TMEM232: variants seen among roughly 807,000 people sequenced by gnomAD.
The protein encoded by TMEM232 is transmembrane protein 232.
Under a neutral mutation model 78.8 loss-of-function variants are expected in TMEM232, and 80 were observed. That is an observed-to-expected ratio of 1.01 (90% CI 0.85 to 1.22). TMEM232 has a LOEUF of 1.22. Among genes scored for constraint, TMEM232 ranks in the 50% most tolerant of loss-of-function variants. The pLI is 0.00. For missense variants in TMEM232, 881 were observed against 742.2 expected (o/e 1.19, Z -2.17); for synonymous variants, 297 against 254.3 (o/e 1.17, Z -1.60).
chr5:110,679,214 G>A (rs1792407561), intron 1 of TMEM232, among the ~76,000 whole-genome samples: 1 of 152,170 alleles, frequency 6.6e-6, no homozygotes, highest in East Asian at 1.9e-4. Flanking sequence ...TCTGACTTTT[G>A]GCCATTCTAA....
chr5:110,419,338 C>T (rs971075936), downstream of TMEM232, among the ~76,000 whole-genome samples: 2 of 151,954 alleles, frequency 1.3e-5, no homozygotes, highest in African/African-American at 4.8e-5. Context: ...TACAGGAAAT[C>T]AAAACAGCAA....
chr5:110,642,856 T>C (rs1162793937), intron 2 of TMEM232, among the ~76,000 whole-genome samples: 1 of 152,070 alleles, frequency 6.6e-6, no homozygotes, highest in Non-Finnish European at 1.5e-5. Flanking sequence ...CAAGTAGCCA[T>C]ATTAACTACA....
At chr5:110,454,222 A>G (rs1347309505) in intron 12 of TMEM232, among the ~76,000 whole-genome samples, 1 of 152,212 alleles carries the variant, frequency 6.6e-6, no homozygotes, top group East Asian at 1.9e-4. Context: ...AGTACACATA[A>G]AATATCCACC....
chr5:110,519,139 T>C (rs80241767), intron 12 of TMEM232, among the ~76,000 whole-genome samples: 2,009 of 152,126 alleles, frequency 0.013, 40 homozygotes, highest in African/African-American at 0.045. Flanking sequence ...ATAAATAATA[T>C]TCAAAGAAAA....
chr5:110,719,277 A>G (rs941469298), intron 1 of TMEM232, among the ~76,000 whole-genome samples: 2 of 152,078 alleles, frequency 1.3e-5, no homozygotes, highest in African/African-American at 4.8e-5. Flanking sequence ...CTGTATATAT[A>G]TATACACACA....
At chr5:110,531,647 C>G (rs1029126164) in intron 11 of TMEM232, among the ~76,000 whole-genome samples, 3 of 152,172 alleles carry the variant, frequency 2.0e-5, no homozygotes, top group African/African-American at 7.2e-5. Context: ...TTAGCCCTCC[C>G]CCACCTGCCC....
chr5:110,620,583 C>G (rs866783145), intron 7 of TMEM232, among the ~76,000 whole-genome samples: 6 of 5,930 alleles, frequency 1.0e-3, no homozygotes, highest in South Asian at 4.2e-3. Flanking sequence ...TCATATCTCT[C>G]TCTCTCTCTC....
intron 11 of TMEM232, among the ~76,000 whole-genome samples, chr5:110,557,173 T>C (rs1775193856): frequency 2.0e-5 from 3 of 152,196 alleles, no homozygotes; most frequent in Admixed American, 6.5e-5. Flanking sequence ...GCTGTTAATA[T>C]TTCTGATTAT....
intron 8 of TMEM232, among the ~76,000 whole-genome samples, chr5:110,616,721 A>T (rs1782966113): frequency 6.6e-6 from 1 of 152,154 alleles, no homozygotes; most frequent in South Asian, 2.1e-4. Flanking sequence ...ATCACTAATC[A>T]TAAGGGAAAG....
chr5:110,400,564 C>G (rs1341071400), intron 2 of TMEM232, among the ~76,000 whole-genome samples: 1 of 151,886 alleles, frequency 6.6e-6, no homozygotes, highest in African/African-American at 2.4e-5. Flanking sequence ...TATTACACTG[C>G]TTCAGTGTCT....
chr5:110,484,284 C>T (rs543451471), intron 12 of TMEM232, among the ~76,000 whole-genome samples: 3 of 151,964 alleles, frequency 2.0e-5, no homozygotes, highest in South Asian at 2.1e-4. Flanking sequence ...AACCTGCACA[C>T]GTAGCCCCTG....
At chr5:110,625,245 C>A in intron 7 of TMEM232, 22 bp downstream of exon 7, 1 of 1,491,012 alleles carries the variant, frequency 6.7e-7, no homozygotes, top group Non-Finnish European at 9.0e-7. Context: ...ACAGGATATA[C>A]CCACCATACC....
At chr5:110,518,283 C>G (rs1768990815) in intron 12 of TMEM232, among the ~76,000 whole-genome samples, 1 of 151,346 alleles carries the variant, frequency 6.6e-6, no homozygotes, top group African/African-American at 2.4e-5. Context: ...TTCTATTTTT[C>G]CAGTTTATTT....
At chr5:110,532,497 C>T (rs1185916788) in intron 11 of TMEM232, among the ~76,000 whole-genome samples, 1 of 151,932 alleles carries the variant, frequency 6.6e-6, no homozygotes, top group East Asian at 1.9e-4. Flanking sequence ...GTACTGATGG[C>T]CAGGCTTCCA....
rs564511663 is a variant in TMEM232, at chr5:110,411,983, T to G, written n.308+12840A>C. Among the ~76,000 whole-genome samples, 17 of 152,242 alleles carry G rather than the reference T, an allele frequency of 1.1e-4. No individual in the cohort carries two copies. In the East Asian group the frequency reaches 3.1e-3, roughly 28 times the overall value. On this transcript the variant is annotated intron_variant and non_coding_transcript_variant, in intron 2 of 8. Transcript: ENST00000507188. ...GAGGGAAAGAATAAAATGCACAATA[T>G]ATATTAGTTTCATATTTTCAAAATA...
chr5:110,573,755 TGAA>T lies in TMEM232; in HGVS notation c.1277-5133_1277-5131del, dbSNP rs549765164. 3.0e-4 allele frequency among the ~76,000 whole-genome samples: 46 copies of T among 152,172 alleles called. 1 individual carries two copies. Among genetic ancestry groups the T allele is most frequent in the African/African-American group, 1.1e-3 (46 of 41,568 alleles). On this transcript the variant is annotated intron_variant, in intron 10 of 13. Transcript: ENST00000455884. ...GATATTCAAGCTAAGATCTAGCTGA[TGAA>T]GAAGAGTTAATCATTGAAGGAACAA...
At chr5:110,475,445 A>ATTT (rs61667699) in intron 12 of TMEM232, among the ~76,000 whole-genome samples, 7,977 of 109,996 alleles carry the variant, frequency 0.073, 364 homozygotes, top group South Asian at 0.17. Context: ...TTATACTTTG[A>ATTT]TTTTTTTTTT....
intron 2 of TMEM232, among the ~76,000 whole-genome samples, chr5:110,655,303 A>C (rs1189495642): frequency 2.7e-5 from 4 of 150,370 alleles, no homozygotes; most frequent in African/African-American, 7.3e-5. Context: ...ACACATGAAA[A>C]AATGCTCATC....
At chr5:110,592,659 GAAAACA>G (rs1260839824) in intron 10 of TMEM232, among the ~76,000 whole-genome samples, 1 of 151,970 alleles carries the variant, frequency 6.6e-6, no homozygotes, top group African/African-American at 2.4e-5. Flanking sequence ...CAAAGAAAAT[GAAAACA>G]AAAACAAAAA....
Sources: allele counts gnomAD v4.1 joint callset (sites outside exome capture counted in the v4.1 genomes callset), GRCh38; gene constraint gnomAD v4.1.1; transcripts MANE v1.5; gene names NCBI Gene and HGNC (gene_info 2026-07-23, HGNC 2026-07-21).